SLC25A24: variants seen among roughly 807,000 people sequenced by gnomAD.
SLC25A24 encodes solute carrier family 25 member 24, also known as mitochondrial adenyl nucleotide antiporter SLC25A24.
SLC25A24 carries 49 observed loss-of-function variants against 60.7 expected under a neutral mutation model. The ratio of observed to expected loss-of-function variants is 0.81; its 90% confidence interval spans 0.64 to 1.02. The LOEUF is 1.02. Among genes scored for constraint, SLC25A24 ranks in the 50% least tolerant of loss-of-function variants. The probability of loss-of-function intolerance (pLI) is 0.00; values close to 1 mark genes in which losing one functional copy is unlikely to be tolerated. For synonymous variants in SLC25A24, 202 were observed against 200.6 expected (o/e 1.01, Z -0.06); for missense variants, 564 against 586.3 (o/e 0.96, Z 0.39).
chr1:108,182,070 G>A (rs1647949817), intron 2 of SLC25A24, 42 bp from the exon 3 acceptor site: 2 of 1,274,472 alleles, frequency 1.6e-6, no homozygotes, highest in Admixed American at 1.9e-5. Context: ...ACTCAGAACT[G>A]GTAAGAACCA....
intron 3 of SLC25A24, among the ~76,000 whole-genome samples, chr1:108,162,708 G>A (rs1205446745): frequency 6.9e-6 from 1 of 145,610 alleles, no homozygotes; most frequent in Non-Finnish European, 1.5e-5. Flanking sequence ...TTTGTCAGAT[G>A]AGTAGGTTGC....
rs927319049 is a variant in SLC25A24 at position 108,183,372 on chromosome 1, T to C, written c.311-1344A>G. Among the ~76,000 whole-genome samples, 3 of 152,344 alleles carry C rather than the reference T, an allele frequency of 2.0e-5. No individual in the cohort carries two copies. The South Asian group carries it at 6.2e-4, about 32-fold the overall frequency. On this transcript the variant is annotated intron_variant, in intron 2 of 9. Transcript: ENST00000565488. ...CTTTAGAAATGCACTCTTAAAGAGA[T>C]ATGGTTAATTCTCATTATTCACAGC...
At chr1:108,147,633 T>C (rs1679639222) in intron 7 of SLC25A24, among the ~76,000 whole-genome samples, 1 of 152,200 alleles carries the variant, frequency 6.6e-6, no homozygotes, top group Non-Finnish European at 1.5e-5. Context: ...TATGCACTAA[T>C]GAAAGGATGT....
chr1:108,176,321 A>G (rs1647672534), intron 3 of SLC25A24, among the ~76,000 whole-genome samples: 2 of 152,180 alleles, frequency 1.3e-5, no homozygotes, highest in Admixed American at 6.5e-5. Context: ...ATTTGAAAAT[A>G]CACAGAGGAG....
chr1:108,157,462 C>T lies in SLC25A24; in HGVS notation c.669G>A (p.Gln223=). Residue 223 remains glutamine, a splice_region_variant and synonymous_variant, in exon 5 of 10, where the codon CAG becomes CAA. Coordinates refer to ENST00000565488, the MANE Select transcript of SLC25A24 (RefSeq NM_013386.5). ...APLDRLKIMM[Q]VHGSKSDKMN... The stretch of plus-strand genomic sequence containing the variant: ...CTGGACACACGATAATAAAGCTCAC[C>T]TGCATCATGATTTTCAGACGGTCCA... 6.2e-7 allele frequency: 1 copy of T among 1,612,966 alleles called. No individual in the cohort carries two copies.
At chr1:108,147,634 G>A (rs1558009312) in intron 7 of SLC25A24, among the ~76,000 whole-genome samples, 1 of 152,154 alleles carries the variant, frequency 6.6e-6, no homozygotes, top group Non-Finnish European at 1.5e-5. Context: ...ATGCACTAAT[G>A]AAAGGATGTC....
At chr1:108,148,759 T>C (rs1274537083) in intron 6 of SLC25A24, among the ~76,000 whole-genome samples, 2 of 152,230 alleles carry the variant, frequency 1.3e-5, no homozygotes, top group African/African-American at 4.8e-5. Flanking sequence ...CGTTGTTGAT[T>C]CCACACACAC....
Position 108,185,835 on chromosome 1 carries a change from AT to A in SLC25A24, c.302del (p.Asn101IlefsTer20). ...TACAAAAGAAAGACACACCATCATT[AT>A]TTTTGTCTAAACTCTTAAATGCCAA... is the stretch of plus-strand genomic sequence containing the variant. The part of the protein sequence containing the change: ...MKLAFKSLDK[N>X]NDGKIEASEI... On this transcript the variant is annotated frameshift_variant, in exon 2 of 10. Coordinates refer to ENST00000565488, the MANE Select transcript of SLC25A24 (RefSeq NM_013386.5). LOFTEE classifies it high-confidence loss of function. 1.3e-6 allele frequency: 2 copies of A among 1,585,298 alleles called. No individual in the cohort carries two copies. The highest frequency in any genetic ancestry group is 1.7e-6 in the Non-Finnish European group (2 of 1,160,508).
rs6671207 is a variant in SLC25A24 at position 108,200,010 on chromosome 1, C to T, written c.129G>A (p.Glu43=). The T allele has an allele frequency of 0.025, 40,377 of 1,611,208 alleles. 1,256 individuals are homozygous for T. Among genetic ancestry groups the T allele is most frequent in the African/African-American group, 0.15 (11,085 of 74,970 alleles). The change falls in exon 1 of 10, where the codon GAG becomes GAA. Residue 43 remains glutamate, a synonymous_variant. Coordinates refer to ENST00000565488, the MANE Select transcript of SLC25A24 (RefSeq NM_013386.5). Reference sequence around the variant, plus strand: ...CCAGGTTCCTGAGCCCCTCCTGCAGCTCGCCGATGTCCACCACTCCGTCCC... The same window carrying T: ...CCAGGTTCCTGAGCCCCTCCTGCAGTTCGCCGATGTCCACCACTCCGTCCC... The part of the protein sequence containing the change: ...RNGDGVVDIG[E]LQEGLRNLGI...
intron 3 of SLC25A24, among the ~76,000 whole-genome samples, chr1:108,179,796 A>G (rs1445846608): frequency 6.6e-6 from 1 of 152,166 alleles, no homozygotes; most frequent in East Asian, 1.9e-4. Flanking sequence ...TCCACTATAC[A>G]ACATGAAGAC....
chr1:108,137,644 T>C (rs1010802973), intron 9 of SLC25A24, among the ~76,000 whole-genome samples: 3 of 152,174 alleles, frequency 2.0e-5, no homozygotes, highest in Admixed American at 1.3e-4. Flanking sequence ...CTATCAGCCA[T>C]AGACAATCTA....
At chr1:108,143,760 C>G (rs923355916) in intron 7 of SLC25A24, 50 bp from the exon 8 acceptor site, 2 of 1,400,926 alleles carry the variant, frequency 1.4e-6, no homozygotes, top group East Asian at 4.6e-5. Context: ...ACTCTATCAT[C>G]ATGGGATTCA....
intron 1 of SLC25A24, among the ~76,000 whole-genome samples, chr1:108,195,743 A>G (rs1204867500): frequency 6.6e-6 from 1 of 152,220 alleles, no homozygotes; most frequent in Non-Finnish European, 1.5e-5. Flanking sequence ...TCATGCCTGT[A>G]ATCTTAGCAC....
chr1:108,199,851 T>G (rs994170151), intron 1 of SLC25A24, 105 bp downstream of exon 1: 59 of 877,550 alleles, frequency 6.7e-5, no homozygotes, highest in Non-Finnish European at 8.6e-5. Flanking sequence ...AGTTCCTCCT[T>G]CCTCTCCTGG....
At chr1:108,144,217 T>C (rs1325270627) in intron 7 of SLC25A24, among the ~76,000 whole-genome samples, 1 of 152,182 alleles carries the variant, frequency 6.6e-6, no homozygotes, top group African/African-American at 2.4e-5. Context: ...GCATACCACA[T>C]ATCGGTGAAA....
At chr1:108,149,753 G>A (rs74112037) in intron 6 of SLC25A24, among the ~76,000 whole-genome samples, 2,240 of 152,122 alleles carry the variant, frequency 0.015, 65 homozygotes, top group African/African-American at 0.052. Flanking sequence ...AAGGGAAGGG[G>A]GAAGTCTCAC....
intron 3 of SLC25A24, among the ~76,000 whole-genome samples, chr1:108,167,294 C>A (rs1313836323): frequency 1.3e-5 from 2 of 151,222 alleles, no homozygotes; most frequent in Non-Finnish European, 2.9e-5. Context: ...GCAGGCAGGC[C>A]TCCTTGAGCT....
At chr1:108,185,130 A>G (rs897974975) in intron 2 of SLC25A24, among the ~76,000 whole-genome samples, 2 of 152,168 alleles carry the variant, frequency 1.3e-5, no homozygotes, top group South Asian at 4.1e-4. Flanking sequence ...ATGACATAGT[A>G]AGAGGCCCTC....
chr1:108,183,420 T>C (rs1648008235), intron 2 of SLC25A24, among the ~76,000 whole-genome samples: 1 of 152,248 alleles, frequency 6.6e-6, no homozygotes, highest in Admixed American at 6.5e-5. Context: ...TAAAGTTCTA[T>C]ATTCATTGCA....
Sources: gnomAD v4.1 joint callset for allele counts (sites outside exome capture counted in the v4.1 genomes callset) on GRCh38, gnomAD v4.1.1 for gene constraint, MANE v1.5 for transcripts, NCBI Gene and HGNC (gene_info 2026-07-23, HGNC 2026-07-21) for gene names.